JAKMIP2: variants seen among roughly 807,000 people sequenced by gnomAD.
JAKMIP2 encodes janus kinase and microtubule-interacting protein 2.
In JAKMIP2, 25 loss-of-function variants were observed where a neutral mutation model predicts 115.0. The ratio of observed to expected loss-of-function variants is 0.22; its 90% confidence interval spans 0.16 to 0.30. The LOEUF is 0.30. JAKMIP2 is among the 10% of genes least tolerant of loss of function. The probability of loss-of-function intolerance (pLI) is 1.00; values close to 1 mark genes in which losing one functional copy is unlikely to be tolerated. For synonymous variants in JAKMIP2, 334 were observed against 343.6 expected, an observed-to-expected ratio of 0.97 and a Z score of 0.31; for missense variants, 642 against 957.6, an observed-to-expected ratio of 0.67 and a Z score of 4.35.
At chr5:147,718,471 T>C (rs1186075873) in intron 1 of JAKMIP2, among the ~76,000 whole-genome samples, 2 of 152,186 alleles carry the variant, frequency 1.3e-5, no homozygotes, top group Admixed American at 1.3e-4. Flanking sequence ...TGAATCCATC[T>C]GCTCCTGGAC....
intron 18 of JAKMIP2, among the ~76,000 whole-genome samples, chr5:147,620,275 G>GTATTTT (rs1756787101): frequency 1.3e-5 from 2 of 151,852 alleles, no homozygotes; most frequent in South Asian, 4.1e-4. Flanking sequence ...TTTGTATTTT[G>GTATTTT]TATTTTTATT....
chr5:147,649,486 T>C (rs2126743367), intron 4 of JAKMIP2, among the ~76,000 whole-genome samples: 1 of 152,210 alleles, frequency 6.6e-6, no homozygotes, highest in Non-Finnish European at 1.5e-5. Context: ...ACACAGTAAA[T>C]GGCAGATTTG....
chr5:147,585,581 C>G lies in JAKMIP2; in HGVS notation c.*6126G>C, dbSNP rs1197330756. The G allele has an allele frequency of 3.9e-5, 6 of 152,134 alleles. No individual in the cohort carries two copies. Among genetic ancestry groups the G allele is most frequent in the Non-Finnish European group, 7.3e-5 (5 of 68,030 alleles). 9.4% of individuals were successfully genotyped at this position (152,134 alleles called of 1,614,324 possible). On this transcript the variant is annotated 3_prime_UTR_variant, in exon 22 of 22. Transcript: ENST00000616793. Reference sequence around the variant, plus strand: ...GTTGATTCCAATCTCTACGGTAATACATACAGTACATGTACATATTCGGTG... The same window carrying G: ...GTTGATTCCAATCTCTACGGTAATAGATACAGTACATGTACATATTCGGTG...
intron 1 of JAKMIP2, among the ~76,000 whole-genome samples, chr5:147,771,825 T>C (rs939324544): frequency 1.3e-5 from 2 of 152,152 alleles, no homozygotes; most frequent in African/African-American, 2.4e-5. Context: ...GGCTAACAAT[T>C]GGAAGCCTAT....
chr5:147,780,611 G>A (rs1330494025), intron 1 of JAKMIP2, among the ~76,000 whole-genome samples: 4 of 152,120 alleles, frequency 2.6e-5, no homozygotes, highest in Non-Finnish European at 5.9e-5. Flanking sequence ...TAGGCACAAA[G>A]TAGCATGAGT....
At position 147,640,752 on chromosome 5, in the gene JAKMIP2, T is replaced by G. The variant is rs760268938; in HGVS notation, c.1353A>C (p.Ser451=). 6.2e-7 allele frequency: 1 copy of G among 1,613,800 alleles called. No homozygotes were observed. The highest frequency in any genetic ancestry group is 1.1e-5 in the South Asian group (1 of 91,064). Residue 451 remains serine (S), a synonymous_variant, in exon 9 of 22, where the codon TCA becomes TCC. Coordinates refer to ENST00000616793, the MANE Select transcript of JAKMIP2 (RefSeq NM_001270941.2). The part of the protein sequence containing the change: ...SMDSETSSMA[S]FRTDRTPATP... ...TAGCTGGTGTTCTGTCTGTTCTAAA[T>G]GAGGCCATGGATGATGTCTCTGAAT...
At chr5:147,629,379 A>G (rs1757254591) in intron 15 of JAKMIP2, among the ~76,000 whole-genome samples, 1 of 152,174 alleles carries the variant, frequency 6.6e-6, no homozygotes, top group South Asian at 2.1e-4. Context: ...TGACTGATTA[A>G]TTTCACACTG....
At chr5:147,769,846 C>T (rs1349473423) in intron 1 of JAKMIP2, among the ~76,000 whole-genome samples, 2 of 152,004 alleles carry the variant, frequency 1.3e-5, no homozygotes, top group African/African-American at 4.8e-5. Context: ...TGGAGCAAAA[C>T]TGGATAGTCA....
chr5:147,652,988 G>A (rs1283869261), intron 3 of JAKMIP2, among the ~76,000 whole-genome samples: 3 of 152,120 alleles, frequency 2.0e-5, no homozygotes, highest in African/African-American at 4.8e-5. Context: ...TTAGTTTGCT[G>A]AGGATGATGG....
rs1754922535 is a variant in JAKMIP2, at chr5:147,587,481, T to TGATGCAATTAAATATTTTAA, written c.*4225_*4226insTTAAAATATTTAATTGCATC. ...TGTGCCACTCTTTGACAGATTGAAA[T>TGATGCAATTAAATATTTTAA]AATGCAATTAAATATTTTAAAAATA... On this transcript the variant is annotated 3_prime_UTR_variant, in exon 22 of 22. Coordinates refer to ENST00000616793, the MANE Select transcript of JAKMIP2 (RefSeq NM_001270941.2). 6.6e-6 allele frequency: 1 copy of TGATGCAATTAAATATTTTAA among 152,060 alleles called. No homozygotes were observed. The highest frequency in any genetic ancestry group is 2.4e-5 in the African/African-American group (1 of 41,420). 9.4% of individuals were successfully genotyped at this position (152,060 alleles called of 1,614,324 possible).
At chr5:147,745,807 GTTAAT>G (rs1754328343) in intron 1 of JAKMIP2, among the ~76,000 whole-genome samples, 2 of 152,266 alleles carry the variant, frequency 1.3e-5, no homozygotes, top group African/African-American at 4.8e-5. Flanking sequence ...TTGGACTTTA[GTTAAT>G]TTATTTTTGT....
intron 12 of JAKMIP2, among the ~76,000 whole-genome samples, chr5:147,633,153 G>A (rs1022043727): frequency 6.6e-6 from 1 of 152,134 alleles, no homozygotes; most frequent in Non-Finnish European, 1.5e-5. Flanking sequence ...AGTTATATTT[G>A]TTACAGAAAT....
At chr5:147,614,769 C>A (rs1022756652) in intron 19 of JAKMIP2, among the ~76,000 whole-genome samples, 2 of 152,182 alleles carry the variant, frequency 1.3e-5, no homozygotes, top group Admixed American at 1.3e-4. Context: ...AGCTCTGCAA[C>A]GTCTCCTCCT....
Position 147,765,032 on chromosome 5 carries a change from GAAAGAA to G in JAKMIP2, c.-149+17418_-149+17423del, listed in dbSNP as rs1755104225. The stretch of plus-strand genomic sequence containing the variant: ...AGAGAAAGGGAGACAGAGAGAGAGA[GAAAGAA>G]AGAAAGAGAGAAGAGAGAAGGAAGG... On this transcript the variant is annotated intron_variant, in intron 1 of 21. Coordinates refer to ENST00000616793, the MANE Select transcript of JAKMIP2 (RefSeq NM_001270941.2). Among the ~76,000 whole-genome samples, 7 of 67,712 alleles carry G rather than the reference GAAAGAA, an allele frequency of 1.0e-4. 2 individuals are homozygous for G. The highest frequency in any genetic ancestry group is 2.0e-4 in the Non-Finnish European group (6 of 30,218). The allele number at this position is 67,712 out of a possible 152,430, so 44.4% of individuals were successfully genotyped here.
chr5:147,608,870 C>T (rs1581278648), intron 20 of JAKMIP2, among the ~76,000 whole-genome samples: 1 of 152,138 alleles, frequency 6.6e-6, no homozygotes, highest in Admixed American at 6.5e-5. Context: ...ATATTGGATG[C>T]ATATATATTT....
chr5:147,742,153 A>ATT (rs759308175), intron 1 of JAKMIP2, among the ~76,000 whole-genome samples: 3 of 110,372 alleles, frequency 2.7e-5, no homozygotes, highest in South Asian at 3.5e-4. Flanking sequence ...ATATATATAT[A>ATT]TATTTTTTTT....
intron 4 of JAKMIP2, among the ~76,000 whole-genome samples, chr5:147,648,873 T>C (rs1419105553): frequency 6.6e-6 from 1 of 152,200 alleles, no homozygotes; most frequent in Non-Finnish European, 1.5e-5. Context: ...TAGACAGCTG[T>C]CCTGGTATTA....
intron 3 of JAKMIP2, among the ~76,000 whole-genome samples, chr5:147,658,284 G>A (rs1758778225): frequency 6.6e-6 from 1 of 152,186 alleles, no homozygotes; most frequent in African/African-American, 2.4e-5. Context: ...CTGCAGGTCT[G>A]CTGGAGTTTG....
intron 1 of JAKMIP2, among the ~76,000 whole-genome samples, chr5:147,711,544 A>C (rs1327588807): frequency 2.6e-5 from 4 of 152,220 alleles, no homozygotes; most frequent in Non-Finnish European, 5.9e-5. Flanking sequence ...GGGGCAACCT[A>C]ATTTTATTAA....
Sources: gnomAD v4.1 joint callset for allele counts (sites outside exome capture counted in the v4.1 genomes callset) on GRCh38, gnomAD v4.1.1 for gene constraint, MANE v1.5 for transcripts, NCBI Gene and HGNC (gene_info 2026-07-23, HGNC 2026-07-21) for gene names.